The following LILRB5 variants were observed in gnomAD, a reference collection of about 807,000 sequenced individuals.
The protein encoded by LILRB5 is leukocyte immunoglobulin like receptor B5, also known as leukocyte immunoglobulin-like receptor subfamily B member 5.
In LILRB5, 61 loss-of-function variants were observed where a neutral mutation model predicts 68.4. The ratio of observed to expected loss-of-function variants is 0.89; its 90% CI spans 0.73 to 1.10. The LOEUF (loss-of-function observed/expected upper bound fraction) is 1.10. LILRB5 is among the 50% of genes least tolerant of loss of function. The pLI is 0.00. For synonymous variants in LILRB5, 356 were observed against 315.8 expected, an observed-to-expected ratio of 1.13 and a Z score of -1.35; for missense variants, 771 against 751.6, an observed-to-expected ratio of 1.03 and a Z score of -0.30.
Position 54,250,723 on chromosome 19 carries a change from C to T in LILRB5, c.*63G>A, listed in dbSNP as rs970854573. The T allele has an allele frequency of 5.6e-6, 9 of 1,606,294 alleles. No homozygotes were observed. In the East Asian group the frequency reaches 6.7e-5, roughly 12 times the overall value. On this transcript the variant is annotated 3_prime_UTR_variant, in exon 13 of 13. Coordinates refer to ENST00000449561, the MANE Select transcript of LILRB5 (RefSeq NM_001081442.3). ...TCATTGGTGTCCACTGGGGGCAGCT[C>T]CTGTGCCTTCTGGAGTCTCTGAGTC...
intron 11 of LILRB5, 85 bp downstream of exon 11, chr19:54,252,281 C>T: frequency 6.6e-7 from 1 of 1,519,322 alleles, no homozygotes; most frequent in South Asian, 1.2e-5. Context: ...CAGACCCCCC[C>T]CAGCCTGTGC....
Position 54,254,873 on chromosome 19 carries a change from A to C in LILRB5, c.1117T>G (p.Ser373Ala), listed in dbSNP as rs199548970. 3.7e-6 allele frequency: 6 copies of C among 1,613,962 alleles called. No homozygotes were observed. The African/African-American group carries it at 4.0e-5, about 11-fold the overall frequency. The change falls in exon 6 of 13, where the codon TCT becomes GCT. Residue 373 changes from serine (S) to alanine (A), a missense_variant. Physicochemically the swap from Ser to Ala is moderately conservative, Grantham distance 99. Transcript: ENST00000449561. ...GAGAATTCAGCCTGGTGTCTATAAG[A>C]CTGGTACTTTGACTTTAGACACAGC... is the stretch of plus-strand genomic sequence containing the variant. ...PPLCLKSKYQ[S>A]YRHQAEFSMS...
chr19:54,252,964 C>G lies in LILRB5; in HGVS notation c.1381G>C (p.Val461Leu). 1 of 1,574,224 alleles carries G rather than the reference C, an allele frequency of 6.4e-7. No homozygotes were observed. The highest frequency in any genetic ancestry group is 8.7e-7 in the Non-Finnish European group (1 of 1,155,228). The change falls in exon 9 of 13, where the codon GTG (valine) becomes CTG (leucine). Residue 461 changes from valine to leucine, a missense_variant. Transcript: ENST00000449561. ...QSGLGRHLGV[V>L]TGVSVAFVLL... ...ACGAAGGCCACTGAGACCCCAGTCA[C>G]AACCCCCAGGTGCCTTCCCAGACCT...
At chr19:54,253,741 C>G in intron 8 of LILRB5, 3 of 1,183,308 alleles carry the variant, frequency 2.5e-6, no homozygotes, top group Non-Finnish European at 3.7e-6. Flanking sequence ...CTGAGCGGAG[C>G]CCCGGAGCTG....
Position 54,255,292 on chromosome 19 carries a change from T to C in LILRB5, c.946A>G (p.Ile316Val), listed in dbSNP as rs755884711. ...AACCCGCTGGGCTCCTCACCTGCGA[T>C]CAGGATGTCCAGGGGGTCGCTGGGG... ...SAPSDPLDIL[I>V]AGLIPDIPAL... is the part of the protein sequence containing the mutation. Residue 316 changes from isoleucine (I) to valine (V), a missense_variant, in exon 5 of 13, where the codon ATC becomes GTC. By Grantham distance (29) the Ile-to-Val change is conservative. Coordinates refer to ENST00000449561, the MANE Select transcript of LILRB5 (RefSeq NM_001081442.3). 2 of 1,613,080 alleles carry C rather than the reference T, an allele frequency of 1.2e-6. No individual in the cohort carries two copies. Among genetic ancestry groups the C allele is most frequent in the Non-Finnish European group, 1.7e-6 (2 of 1,179,774 alleles).
chr19:54,251,760 T>G (rs564431322), intron 12 of LILRB5: 1 of 665,138 alleles, frequency 1.5e-6, no homozygotes, highest in East Asian at 2.8e-5. Context: ...AAGGGGAGCC[T>G]GGGGGACCGG....
chr19:54,252,877 T>C lies in LILRB5; in HGVS notation c.1468A>G (p.Thr490Ala). Residue 490 changes from threonine to alanine, a missense_variant, in exon 9 of 13, where the codon ACA becomes GCA. Thr to Ala is a moderately conservative substitution (Grantham distance 58). Transcript: ENST00000449561. ...LRHRHQSKHR[T>A]SAHFYRPAGA... ...TCCCCCATTCCCTACTCACCCGATG[T>C]CCTGTGTTTGCTCTGATGCCGATGT... 6.2e-7 allele frequency: 1 copy of C among 1,602,898 alleles called. No homozygotes were observed. Among genetic ancestry groups the C allele is most frequent in the South Asian group, 1.1e-5 (1 of 90,942 alleles).
chr19:54,250,803 G>T lies in LILRB5; in HGVS notation c.1759C>A (p.Pro587Thr), dbSNP rs150133483. 4.1e-4 allele frequency: 659 copies of T among 1,613,970 alleles called. No homozygotes were observed. Among genetic ancestry groups the T allele is most frequent in the East Asian group, 2.4e-3 (106 of 44,862 alleles). ...CCCGTGGGCTAGTGGATGGCCAGGG[G>T]GGCGTAGATGCTGGGTTCAGCTGGA... Reference protein sequence around the residue: ...EPPAEPSIYAPLAIH With the variant: ...EPPAEPSIYATLAIH The change falls in exon 13 of 13, where the codon CCC becomes ACC. Residue 587 changes from proline to threonine, a missense_variant. By Grantham distance (38) the Pro-to-Thr change is conservative. Coordinates refer to ENST00000449561, the MANE Select transcript of LILRB5 (RefSeq NM_001081442.3).
At chr19:54,255,753 G>A in intron 4 of LILRB5, 171 bp from the exon 5 acceptor site, 3 of 841,966 alleles carry the variant, frequency 3.6e-6, no homozygotes, top group Non-Finnish European at 5.5e-6. Flanking sequence ...CAGACCGATA[G>A]TGTCTCTCTG....
Position 54,254,799 on chromosome 19 carries a change from G to A in LILRB5, c.1191C>T (p.Ser397=), listed in dbSNP as rs200996311. ...SAQGGTYRCY[S]AIRSYPYLLS... Reference sequence around the variant, plus strand: ...GCAGGTAGGGGTAGGACCTGATTGCGCTGTAGCATCGGTAGGTTCCACCCT... The same window carrying A: ...GCAGGTAGGGGTAGGACCTGATTGCACTGTAGCATCGGTAGGTTCCACCCT... The change falls in exon 6 of 13, where the codon AGC becomes AGT. Residue 397 remains serine (S), a synonymous_variant. Coordinates refer to ENST00000449561, the MANE Select transcript of LILRB5 (RefSeq NM_001081442.3). 106 of 1,614,052 alleles carry A rather than the reference G, an allele frequency of 6.6e-5. No individual in the cohort carries two copies. The highest frequency in any genetic ancestry group is 4.5e-5 in the East Asian group (2 of 44,896).
At position 54,254,843 on chromosome 19, in the gene LILRB5, T is replaced by C; in HGVS notation, c.1147A>G (p.Ser383Gly). Residue 383 changes from serine (S) to glycine (G), a missense_variant, in exon 6 of 13, where the codon AGT (serine) becomes GGT (glycine). Coordinates refer to ENST00000449561, the MANE Select transcript of LILRB5 (RefSeq NM_001081442.3). ...SYRHQAEFSM[S>G]PVTSAQGGTY... The stretch of plus-strand genomic sequence containing the variant: ...CCACCCTGGGCTGAGGTCACAGGAC[T>C]CATGGAGAATTCAGCCTGGTGTCTA... 1.2e-6 allele frequency: 2 copies of C among 1,614,128 alleles called. No homozygotes were observed. Among genetic ancestry groups the C allele is most frequent in the Non-Finnish European group, 1.7e-6 (2 of 1,179,994 alleles).
chr19:54,250,151 A>T lies in LILRB5; in HGVS notation c.*635T>A, dbSNP rs1361190098. The T allele has an allele frequency of 6.6e-6, 1 of 152,544 alleles. No individual in the cohort carries two copies. The highest frequency in any genetic ancestry group is 2.4e-5 in the African/African-American group (1 of 41,474). The allele number at this position is 152,544 out of a possible 1,614,324, so 9.4% of individuals were successfully genotyped here. A position where few individuals can be genotyped will look rare whatever the true frequency, so the allele number is the denominator to read the frequency against. ...ATCCCTGAACTTAAAAGTGAAAAAA[A>T]TAAAGGCAATATGTGTCAGATTTGT... is the stretch of plus-strand genomic sequence containing the variant. On this transcript the variant is annotated 3_prime_UTR_variant, in exon 13 of 13. Transcript: ENST00000449561.
chr19:54,257,098 C>G, intron 1 of LILRB5, 62 bp downstream of exon 1: 1 of 1,613,840 alleles, frequency 6.2e-7, no homozygotes, highest in South Asian at 1.1e-5. Context: ...TAGACCAGAG[C>G]CTCGCTTTAG....
intron 3 of LILRB5, 28 bp downstream of exon 3, chr19:54,256,461 G>A: frequency 1.2e-6 from 2 of 1,611,904 alleles, no homozygotes; most frequent in Non-Finnish European, 1.7e-6. Context: ...GCAGAGCCTG[G>A]GGCTGGGACC....
rs147126602 is a variant in LILRB5, at chr19:54,251,951, C to A, written c.1629+103G>T. ...GCGTGCTGGACAAGGAGGGGTCCACCGTGACGATGCTGAGAGCCGGGGGAA... is the reference window on the plus strand; with the variant it reads ...GCGTGCTGGACAAGGAGGGGTCCACAGTGACGATGCTGAGAGCCGGGGGAA... On this transcript the variant is annotated intron_variant, in intron 12 of 12. Coordinates refer to ENST00000449561, the MANE Select transcript of LILRB5 (RefSeq NM_001081442.3). 5 of 1,203,728 alleles carry A rather than the reference C, an allele frequency of 4.2e-6. No homozygotes were observed. In the South Asian group the frequency reaches 4.8e-5, roughly 12 times the overall value. 74.6% of individuals were successfully genotyped at this position (1,203,728 alleles called of 1,614,324 possible). A position where few individuals can be genotyped will look rare whatever the true frequency, so the allele number is the denominator to read the frequency against.
chr19:54,251,354 C>A, intron 12 of LILRB5: 1 of 777,062 alleles, frequency 1.3e-6, no homozygotes, highest in Admixed American at 3.0e-5. Context: ...CTCACTCTGA[C>A]CTTGCCCATT....
chr19:54,252,983 C>T lies in LILRB5; in HGVS notation c.1362G>A (p.Leu454=), dbSNP rs1261266323. The T allele has an allele frequency of 1.3e-6, 2 of 1,557,852 alleles. No individual in the cohort carries two copies. Among genetic ancestry groups the T allele is most frequent in the Admixed American group, 3.5e-5 (2 of 57,886 alleles). The change falls in exon 9 of 13, where the codon CTG becomes CTA. Residue 454 remains leucine (L), a synonymous_variant. Transcript: ENST00000449561. Reference sequence around the variant, plus strand: ...CAGTCACAACCCCCAGGTGCCTTCCCAGACCTTGAGCGTGATGACGTTGGG... The same window carrying T: ...CAGTCACAACCCCCAGGTGCCTTCCTAGACCTTGAGCGTGATGACGTTGGG... The part of the protein sequence containing the change: ...TPTGLDPQSG[L]GRHLGVVTGV...
At chr19:54,251,585 A>G in intron 12 of LILRB5, 1 of 569,206 alleles carries the variant, frequency 1.8e-6, no homozygotes, top group Non-Finnish European at 3.4e-6. Context: ...TGTTCCTTAC[A>G]GCACGTTGCA....
intron 5 of LILRB5, 57 bp downstream of exon 5, chr19:54,255,229 C>T: frequency 1.9e-6 from 3 of 1,585,008 alleles, no homozygotes; most frequent in Non-Finnish European, 1.7e-6. Flanking sequence ...AATTGGATTC[C>T]CCCGGCAGGA....
Sources: allele counts gnomAD v4.1 joint callset, GRCh38; gene constraint gnomAD v4.1.1; transcripts MANE v1.5; gene names NCBI Gene and HGNC (gene_info 2026-07-23, HGNC 2026-07-21).